Variants in SEMA3C observed in about 807,000 individuals in gnomAD.
The protein encoded by SEMA3C is semaphorin-3C.
Under a neutral mutation model 89.4 loss-of-function variants are expected in SEMA3C, and 47 were observed. The observed-to-expected ratio is 0.53, with a 90% CI of 0.42 to 0.67. The LOEUF is 0.67. Among genes scored for constraint, SEMA3C ranks in the 30% least tolerant of loss-of-function variants. SEMA3C has a pLI of 0.00. For missense variants in SEMA3C, 839 were observed against 929.1 expected, an observed-to-expected ratio of 0.90 and a Z score of 1.26; for synonymous variants, 310 against 320.2, an observed-to-expected ratio of 0.97 and a Z score of 0.34.
intron 12 of SEMA3C, among the ~76,000 whole-genome samples, chr7:80,767,006 A>G (rs1397785077): frequency 6.6e-6 from 1 of 152,196 alleles, no homozygotes; most frequent in East Asian, 1.9e-4. Flanking sequence ...CCAAGACCCC[A>G]GAAGTATGAG....
At chr7:80,872,238 C>A (rs1334945022) in intron 2 of SEMA3C, among the ~76,000 whole-genome samples, 1 of 152,092 alleles carries the variant, frequency 6.6e-6, no homozygotes, top group Non-Finnish European at 1.5e-5. Flanking sequence ...GCAACCTCCG[C>A]CTCCCAGGTT....
intron 2 of SEMA3C, among the ~76,000 whole-genome samples, chr7:80,912,365 T>C (rs1054042448): frequency 1.3e-5 from 2 of 152,180 alleles, no homozygotes; most frequent in African/African-American, 4.8e-5. Flanking sequence ...CAGGGGAAAA[T>C]AGACATACGA....
intron 12 of SEMA3C, among the ~76,000 whole-genome samples, chr7:80,779,726 C>T (rs1788650116): frequency 6.6e-6 from 1 of 152,132 alleles, no homozygotes; most frequent in African/African-American, 2.4e-5. Flanking sequence ...CTCTTGAGTG[C>T]AGGTGGAACA....
intron 2 of SEMA3C, among the ~76,000 whole-genome samples, chr7:80,898,302 G>T (rs1175941775): frequency 1.3e-5 from 2 of 152,150 alleles, no homozygotes; most frequent in South Asian, 2.1e-4. Flanking sequence ...GGAAACAGAG[G>T]TTGCAGTGAG....
chr7:80,814,209 C>T (rs1789544341), intron 5 of SEMA3C, among the ~76,000 whole-genome samples: 1 of 152,000 alleles, frequency 6.6e-6, no homozygotes, highest in Non-Finnish European at 1.5e-5. Context: ...TCCTGCCAGC[C>T]TCCCAAGTAG....
intron 2 of SEMA3C, among the ~76,000 whole-genome samples, chr7:80,913,493 TTC>T (rs1289189452): frequency 6.6e-6 from 1 of 152,212 alleles, no homozygotes; most frequent in Non-Finnish European, 1.5e-5. Context: ...ACACTCAGTT[TTC>T]TGTTTTTAAA....
At chr7:80,869,078 A>G (rs1790996086) in intron 2 of SEMA3C, among the ~76,000 whole-genome samples, 1 of 152,164 alleles carries the variant, frequency 6.6e-6, no homozygotes, top group South Asian at 2.1e-4. Flanking sequence ...GGTAACTACA[A>G]TTTTAACTAC....
At chr7:80,896,791 ACTTTT>A (rs1420774841) in intron 2 of SEMA3C, among the ~76,000 whole-genome samples, 2 of 152,162 alleles carry the variant, frequency 1.3e-5, no homozygotes, top group Non-Finnish European at 2.9e-5. Flanking sequence ...TTCTGAGACA[ACTTTT>A]CTAGAAGCCC....
intron 16 of SEMA3C, among the ~76,000 whole-genome samples, chr7:80,750,459 TATATATATATATATACACAC>T (rs1165777762): frequency 8.4e-5 from 6 of 71,488 alleles, no homozygotes; most frequent in African/African-American, 3.1e-4. Context: ...TATATATATA[TATATATATATATATACACAC>T]ACACACACAC....
chr7:80,883,297 T>A (rs905729923), intron 2 of SEMA3C, among the ~76,000 whole-genome samples: 3 of 152,122 alleles, frequency 2.0e-5, no homozygotes. Flanking sequence ...ACGTCACACA[T>A]GGAATTTAGA....
At chr7:80,765,534 G>T (rs923818367) in intron 12 of SEMA3C, among the ~76,000 whole-genome samples, 2 of 152,036 alleles carry the variant, frequency 1.3e-5, no homozygotes, top group Non-Finnish European at 2.9e-5. Flanking sequence ...AACCAAATGT[G>T]TATTCTTATA....
In SEMA3C at chr7:80,907,939, T is replaced by C. The variant is rs137949770; in HGVS notation, c.103+8740A>G. ...CCTGTTAAGTTTCTTTATTAAAAGT[T>C]GTTCAATTCAGGCTGTTGAATAGTT... is the stretch of plus-strand genomic sequence containing the variant. On this transcript the variant is annotated intron_variant, in intron 2 of 17. Transcript: ENST00000265361. 6.6e-5 allele frequency among the ~76,000 whole-genome samples: 10 copies of C among 152,236 alleles called. No individual in the cohort carries two copies. The East Asian group carries it at 9.7e-4, about 15-fold the overall frequency.
At chr7:80,791,095 G>A (rs141714514) in intron 11 of SEMA3C, among the ~76,000 whole-genome samples, 1 of 152,106 alleles carries the variant, frequency 6.6e-6, no homozygotes, top group Non-Finnish European at 1.5e-5. Context: ...CTGAGTCCAA[G>A]GGGGCAGGCA....
chr7:80,890,967 T>C (rs982335882), intron 2 of SEMA3C, among the ~76,000 whole-genome samples: 2 of 152,144 alleles, frequency 1.3e-5, no homozygotes, highest in Non-Finnish European at 2.9e-5. Context: ...TTAATGAATA[T>C]TGGTTCAGAT....
At chr7:80,818,037 G>A (rs1336745295) in intron 5 of SEMA3C, among the ~76,000 whole-genome samples, 1 of 150,764 alleles carries the variant, frequency 6.6e-6, no homozygotes, top group African/African-American at 2.4e-5. Context: ...AAACTATATA[G>A]TTGCCTCCAA....
In SEMA3C at chr7:80,860,681, T is replaced by C. The variant is rs889850779; in HGVS notation, c.104-31936A>G. Among the ~76,000 whole-genome samples, 6 of 152,294 alleles carry C rather than the reference T, an allele frequency of 3.9e-5. No individual in the cohort carries two copies. In the East Asian group the frequency reaches 9.7e-4, roughly 25 times the overall value. ...CCAAACTGCCAAGGTCAAGGGCCCA[T>C]GGTCATTACTCTTCTAGCAGTGACA... is the stretch of plus-strand genomic sequence containing the variant. On this transcript the variant is annotated intron_variant, in intron 2 of 17. Transcript: ENST00000265361.
intron 2 of SEMA3C, among the ~76,000 whole-genome samples, chr7:80,865,005 T>G (rs1355260055): frequency 6.6e-6 from 1 of 152,320 alleles, no homozygotes; most frequent in East Asian, 1.9e-4. Context: ...CATCACATAT[T>G]AAACGGTTTG....
chr7:80,909,975 G>C (rs1005021762), intron 2 of SEMA3C, among the ~76,000 whole-genome samples: 1 of 152,160 alleles, frequency 6.6e-6, no homozygotes, highest in Non-Finnish European at 1.5e-5. Context: ...TAAAGCTACA[G>C]TGTTGTACAT....
intron 2 of SEMA3C, among the ~76,000 whole-genome samples, chr7:80,843,452 G>A (rs986092581): frequency 1.3e-5 from 2 of 151,984 alleles, no homozygotes; most frequent in Non-Finnish European, 2.9e-5. Flanking sequence ...TAAAATCTTG[G>A]CACTGCATCT....
Sources: allele counts gnomAD v4.1 joint callset (sites outside exome capture counted in the v4.1 genomes callset), GRCh38; gene constraint gnomAD v4.1.1; transcripts MANE v1.5; gene names NCBI Gene and HGNC (gene_info 2026-07-23, HGNC 2026-07-21).